The following SARDH variants were observed in gnomAD, a reference collection of about 807,000 sequenced individuals.
SARDH encodes the protein sarcosine dehydrogenase, also known as sarcosine dehydrogenase, mitochondrial.
SARDH carries 95 observed loss-of-function variants against 109.1 expected under a neutral mutation model. The observed-to-expected ratio is 0.87, with a 90% confidence interval of 0.74 to 1.03. The LOEUF (loss-of-function observed/expected upper bound fraction) is 1.03. SARDH is among the 50% of genes least tolerant of loss of function. The probability of loss-of-function intolerance (pLI) is 0.00; values close to 1 mark genes in which losing one functional copy is unlikely to be tolerated. For missense variants in SARDH, 1,267 were observed against 1,287.8 expected, an observed-to-expected ratio of 0.98 and a Z score of 0.25; for synonymous variants, 572 against 534.8, an observed-to-expected ratio of 1.07 and a Z score of -0.96.
downstream of SARDH, among the ~76,000 whole-genome samples, chr9:133,662,644 C>T (rs1829919109): frequency 6.6e-6 from 1 of 152,260 alleles, no homozygotes. The surrounding 1 kb of genome is among the most constrained non-coding windows in gnomAD (Gnocchi z 5.1). Context: ...GCTCAGTCCA[C>T]AGTGGGCCGC....
intron 15 of SARDH, among the ~76,000 whole-genome samples, chr9:133,691,064 A>C (rs1177266303): frequency 6.6e-6 from 1 of 152,076 alleles, no homozygotes; most frequent in East Asian, 1.9e-4. Context: ...AATGAAGGCA[A>C]AGAGACAAGC....
At chr9:133,721,886 C>T (rs770144058) in intron 6 of SARDH, among the ~76,000 whole-genome samples, 3 of 151,820 alleles carry the variant, frequency 2.0e-5, no homozygotes, top group South Asian at 2.1e-4. Flanking sequence ...GAGGCCAAGG[C>T]GGGAGGGTCA....
At position 133,728,364 on chromosome 9, in the gene SARDH, G is replaced by A. The variant is rs570683772; in HGVS notation, c.915+1401C>T. 1.5e-4 allele frequency among the ~76,000 whole-genome samples: 23 copies of A among 152,274 alleles called. No homozygotes were observed. In the East Asian group the frequency reaches 2.5e-3, roughly 17 times the overall value. On this transcript the variant is annotated intron_variant, in intron 6 of 20. Coordinates refer to ENST00000439388, the MANE Select transcript of SARDH (RefSeq NM_001134707.2). The surrounding 1 kb of genome is among the most constrained non-coding windows in gnomAD (Gnocchi z 5.0). The stretch of plus-strand genomic sequence containing the variant: ...GTGGCAATGGGCAGCCCCCAGGGAC[G>A]AGGCTCCCAGCTCAGGGGCCCAGGC...
At chr9:133,707,518 A>G (rs952317741) in intron 11 of SARDH, among the ~76,000 whole-genome samples, 4 of 152,122 alleles carry the variant, frequency 2.6e-5, no homozygotes, top group African/African-American at 4.8e-5. Flanking sequence ...GGGGCCAGAC[A>G]CTGGAATCTC....
At chr9:133,700,733 A>ACG (rs111293061) in intron 13 of SARDH, among the ~76,000 whole-genome samples, 1 of 151,258 alleles carries the variant, frequency 6.6e-6, no homozygotes, top group Non-Finnish European at 1.5e-5. Context: ...ACACACACGC[A>ACG]CGCGCACACA....
chr9:133,672,478 ATC>A (rs1196615197), intron 17 of SARDH, among the ~76,000 whole-genome samples: 1 of 152,178 alleles, frequency 6.6e-6, no homozygotes, highest in African/African-American at 2.4e-5. Flanking sequence ...GCCCAGCTTT[ATC>A]TGTTTCAGAA....
At chr9:133,661,173 C>A (rs1034211900), downstream of SARDH, among the ~76,000 whole-genome samples, 22 of 152,048 alleles carry the variant, frequency 1.4e-4, no homozygotes, top group African/African-American at 5.3e-4. Context: ...AACCCCGTCT[C>A]TACTAAAAAT....
chr9:133,730,675 T>A (rs1273522493), intron 4 of SARDH, among the ~76,000 whole-genome samples: 2 of 152,066 alleles, frequency 1.3e-5, no homozygotes, highest in East Asian at 3.9e-4. Flanking sequence ...TGCTTATTTG[T>A]CTTCTTAAAA....
In SARDH at chr9:133,703,179, G is replaced by A. The variant is rs185082855; in HGVS notation, c.1555-150C>T. On this transcript the variant is annotated intron_variant, in intron 12 of 20. Coordinates refer to ENST00000439388, the MANE Select transcript of SARDH (RefSeq NM_001134707.2). ...CTGAGTGCCCGTGTGTTGTGGACGC[G>A]GGCAGGGGGCCCCCATGAGGTCCAG... The A allele has an allele frequency of 1.9e-5, 13 of 671,676 alleles. No homozygotes were observed. In the Middle Eastern group the frequency reaches 1.6e-3, roughly 81 times the overall value. 41.6% of individuals were successfully genotyped at this position (671,676 alleles called of 1,614,324 possible). A position where few individuals can be genotyped will look rare whatever the true frequency, so the allele number is the denominator to read the frequency against.
intron 11 of SARDH, among the ~76,000 whole-genome samples, chr9:133,706,193 A>G (rs1054821581): frequency 6.6e-6 from 1 of 152,196 alleles, no homozygotes; most frequent in Non-Finnish European, 1.5e-5. Context: ...ACCACTAACC[A>G]GGGGAGAGAA....
At chr9:133,677,929 C>T (rs1221295668) in intron 17 of SARDH, among the ~76,000 whole-genome samples, 4 of 152,242 alleles carry the variant, frequency 2.6e-5, no homozygotes, top group Admixed American at 6.5e-5. Flanking sequence ...GGCTGAGGCC[C>T]GCTGAGTCCC....
At chr9:133,669,491 C>T (rs1045077152) in intron 19 of SARDH, among the ~76,000 whole-genome samples, 1 of 151,450 alleles carries the variant, frequency 6.6e-6, no homozygotes, top group Admixed American at 6.6e-5. Flanking sequence ...CCCCCGTGGG[C>T]ACCACGGGAG....
chr9:133,697,298 A>G (rs2131399506), intron 13 of SARDH, among the ~76,000 whole-genome samples: 1 of 152,366 alleles, frequency 6.6e-6, no homozygotes, highest in Admixed American at 6.5e-5. Flanking sequence ...TAATTGAAAA[A>G]TTGTCCACAA....
chr9:133,718,708 G>T lies in SARDH; in HGVS notation c.1020+230C>A, dbSNP rs145991839. 9.0e-6 allele frequency: 7 copies of T among 779,698 alleles called. No homozygotes were observed. Among genetic ancestry groups the T allele is most frequent in the African/African-American group, 3.4e-5 (2 of 59,268 alleles). 48.3% of individuals were successfully genotyped at this position (779,698 alleles called of 1,614,324 possible). ...CCACACTGCGCAGACCTTCTCTGTGGATGTTTTGAGGCAAAGCCCTCCAGC... is the reference window on the plus strand; with the variant it reads ...CCACACTGCGCAGACCTTCTCTGTGTATGTTTTGAGGCAAAGCCCTCCAGC... On this transcript the variant is annotated intron_variant, in intron 7 of 20. Coordinates refer to ENST00000439388, the MANE Select transcript of SARDH (RefSeq NM_001134707.2). This position sits in a 1 kb window ranked among gnomAD's most constrained non-coding sequence, Gnocchi z 4.2.
At chr9:133,681,792 C>T (rs755652966) in intron 17 of SARDH, among the ~76,000 whole-genome samples, 6 of 152,208 alleles carry the variant, frequency 3.9e-5, no homozygotes, top group Admixed American at 6.5e-5. Context: ...CGGTGCGCGG[C>T]GTGTTTCCCA....
upstream of SARDH, among the ~76,000 whole-genome samples, chr9:133,738,527 A>G (rs191240431): frequency 6.8e-4 from 103 of 152,170 alleles, no homozygotes; most frequent in Admixed American, 1.6e-3. Flanking sequence ...CCCATGCCCC[A>G]TTACCCGTAG....
chr9:133,685,111 C>T (rs896534279), intron 17 of SARDH, 82 bp downstream of exon 17: 15 of 1,221,980 alleles, frequency 1.2e-5, no homozygotes, highest in South Asian at 2.7e-5. Context: ...GCCCGAGAGC[C>T]CCCAGCCCCC....
upstream of SARDH, among the ~76,000 whole-genome samples, chr9:133,739,508 G>A (rs914782900): frequency 5.3e-5 from 8 of 152,318 alleles, no homozygotes; most frequent in Non-Finnish European, 1.0e-4. Context: ...GGAGAGACAC[G>A]ACACCACAAG....
downstream of SARDH, among the ~76,000 whole-genome samples, chr9:133,659,689 G>C (rs129883): frequency 0.78 from 118,594 of 152,146 alleles, 47,407 homozygotes; most frequent in East Asian, 1. Context: ...CAGAAGGGAA[G>C]TCACGAGCCC....
Sources: allele counts gnomAD v4.1 joint callset (sites outside exome capture counted in the v4.1 genomes callset), GRCh38; gene constraint gnomAD v4.1.1; non-coding constraint Gnocchi (gnomAD v3.1); transcripts MANE v1.5; gene names NCBI Gene and HGNC (gene_info 2026-07-23, HGNC 2026-07-21).